The following CACNA1D variants were observed in gnomAD, a reference collection of about 807,000 sequenced individuals.
The protein encoded by CACNA1D is voltage-dependent L-type calcium channel subunit alpha-1D.
In CACNA1D, 55 loss-of-function variants were observed where a neutral mutation model predicts 257.1. The ratio of observed to expected loss-of-function variants is 0.21; its 90% confidence interval spans 0.17 to 0.27. CACNA1D has a LOEUF of 0.27. Among genes scored for constraint, CACNA1D ranks in the 10% least tolerant of loss-of-function variants. The pLI, the probability that CACNA1D is intolerant of heterozygous loss-of-function variation, is 1.00. For synonymous variants in CACNA1D, 980 were observed against 1,014.9 expected (o/e 0.97, Z 0.65); for missense variants, 1,876 against 2,784.0 (o/e 0.67, Z 7.34).
intron 33 of CACNA1D, chr3:53,773,706 G>A (rs889421884): frequency 6.6e-6 from 1 of 151,598 alleles, no homozygotes; most frequent in Non-Finnish European, 1.5e-5. Flanking sequence ...AAGCATAGAA[G>A]CATTTGCAGA....
intron 19 of CACNA1D, among the ~76,000 whole-genome samples, chr3:53,733,544 A>G (rs1331413294): frequency 6.6e-6 from 1 of 152,214 alleles, no homozygotes; most frequent in African/African-American, 2.4e-5. Context: ...TCTACTTAAA[A>G]TAGCATTTCT....
rs116618558 is a variant in CACNA1D, at chr3:53,807,100, A to G, written c.5750-1549A>G. Among the ~76,000 whole-genome samples, 1,209 of 152,328 alleles carry G rather than the reference A, an allele frequency of 7.9e-3. 15 individuals are homozygous for G. Among genetic ancestry groups the G allele is most frequent in the African/African-American group, 0.027 (1,119 of 41,560 alleles). On this transcript the variant is annotated intron_variant, in intron 45 of 47. Coordinates refer to ENST00000350061, the MANE Select transcript of CACNA1D (RefSeq NM_001128840.3). ...CTCCTCCACCTGTGTTCTCAGCTGCAGGGGGATTCCCTCCTCCTCCAGAGA... is the reference window on the plus strand; with the variant it reads ...CTCCTCCACCTGTGTTCTCAGCTGCGGGGGGATTCCCTCCTCCTCCAGAGA...
chr3:53,680,673 C>T (rs1466418652), intron 8 of CACNA1D, among the ~76,000 whole-genome samples: 2 of 152,144 alleles, frequency 1.3e-5, no homozygotes, highest in Non-Finnish European at 2.9e-5. Context: ...AAATTAAAGC[C>T]ATAATTTTCC....
At position 53,813,367 on chromosome 3, in the gene CACNA1D, T is replaced by G. The variant is rs970770575; in HGVS notation, c.*1961T>G. The stretch of plus-strand genomic sequence containing the variant: ...CTTGCACAGAGCTGTCATTTGCCAG[T>G]GAGAGCCTCCGACAGGGCAGGTACT... On this transcript the variant is annotated 3_prime_UTR_variant, in exon 48 of 48. Coordinates refer to ENST00000350061, the MANE Select transcript of CACNA1D (RefSeq NM_001128840.3). 5 of 152,246 alleles carry G rather than the reference T, an allele frequency of 3.3e-5. No individual in the cohort carries two copies. Among genetic ancestry groups the G allele is most frequent in the African/African-American group, 1.2e-4 (5 of 41,464 alleles). 9.4% of individuals were successfully genotyped at this position (152,246 alleles called of 1,614,324 possible). A position where few individuals can be genotyped will look rare whatever the true frequency, so the allele number is the denominator to read the frequency against.
rs1388855070 is a variant in CACNA1D, at chr3:53,774,483, C to T, written c.4111-104C>T. 3 of 757,478 alleles carry T rather than the reference C, an allele frequency of 4.0e-6. No individual in the cohort carries two copies. The highest frequency in any genetic ancestry group is 2.5e-5 in the East Asian group (1 of 40,434). 46.9% of individuals were successfully genotyped at this position (757,478 alleles called of 1,614,324 possible). A position where few individuals can be genotyped will look rare whatever the true frequency, so the allele number is the denominator to read the frequency against. The stretch of plus-strand genomic sequence containing the variant: ...TGAAGTGCCAGGTACCATGAGAAAA[C>T]CCTAGCTGGTAAAGATCAAACCTGA... On this transcript the variant is annotated intron_variant, in intron 33 of 47. Transcript: ENST00000350061. The surrounding 1 kb of genome is among the most constrained non-coding windows in gnomAD (Gnocchi z 4.3).
At chr3:53,545,522 A>AG (rs1320929728) in intron 3 of CACNA1D, among the ~76,000 whole-genome samples, 2 of 152,202 alleles carry the variant, frequency 1.3e-5, no homozygotes, top group Non-Finnish European at 2.9e-5. Flanking sequence ...GGTGATTCCC[A>AG]GGGGAGCTTC....
At chr3:53,660,546 C>T (rs2094193307) in intron 5 of CACNA1D, among the ~76,000 whole-genome samples, 1 of 152,144 alleles carries the variant, frequency 6.6e-6, no homozygotes, top group Non-Finnish European at 1.5e-5. Context: ...GGGGTGAGAC[C>T]TTGGGTTCAG....
chr3:53,575,545 T>C (rs2093022647), intron 3 of CACNA1D, among the ~76,000 whole-genome samples: 1 of 152,174 alleles, frequency 6.6e-6, no homozygotes, highest in African/African-American at 2.4e-5. Flanking sequence ...GCAAGAGATT[T>C]CTGAATTCCC....
chr3:53,700,979 G>A (rs2094619939), intron 8 of CACNA1D, among the ~76,000 whole-genome samples: 1 of 151,000 alleles, frequency 6.6e-6, no homozygotes, highest in African/African-American at 2.4e-5. Flanking sequence ...GTCTGAGTGG[G>A]ATTCTTTCTA....
At chr3:53,747,190 C>G in intron 25 of CACNA1D, 112 bp from the exon 26 acceptor site, 16 of 767,762 alleles carry the variant, frequency 2.1e-5, no homozygotes, top group East Asian at 5.3e-5. Context: ...GACAGGCGGG[C>G]GGACTGAGTG....
chr3:53,497,642 T>C lies in CACNA1D; in HGVS notation c.377+181T>C, dbSNP rs2107076652. On this transcript the variant is annotated intron_variant, in intron 2 of 47. Transcript: ENST00000350061. ...TCTTCGGGTTGCAGAGGGGTGGCTG[T>C]ACGGGTATATTTAGCCCACTGTCTG... is the stretch of plus-strand genomic sequence containing the variant. 2.0e-5 allele frequency among the ~76,000 whole-genome samples: 3 copies of C among 152,280 alleles called. 1 individual carries two copies. The Middle Eastern group carries it at 0.01, about 518-fold the overall frequency.
chr3:53,732,122 G>A (rs1242774328), intron 18 of CACNA1D, 40 bp downstream of exon 18: 1 of 1,497,908 alleles, frequency 6.7e-7, no homozygotes, highest in Non-Finnish European at 9.3e-7. Context: ...TTTGCTGTGT[G>A]TCTTTGCTAC....
chr3:53,543,160 G>C, intron 3 of CACNA1D, among the ~76,000 whole-genome samples: 1 of 144,178 alleles, frequency 6.9e-6, no homozygotes, highest in African/African-American at 2.7e-5. Flanking sequence ...AAATGAAGAA[G>C]TCAATCGGTA....
intron 3 of CACNA1D, among the ~76,000 whole-genome samples, chr3:53,507,959 C>T (rs992521238): frequency 3.6e-5 from 5 of 139,958 alleles, no homozygotes; most frequent in Admixed American, 2.3e-4. Flanking sequence ...GTAGAAATGG[C>T]ATCAGACACA....
chr3:53,786,747 C>T (rs1269295288), intron 39 of CACNA1D, 75 bp from the exon 40 acceptor site: 13 of 1,310,830 alleles, frequency 9.9e-6, no homozygotes, highest in Non-Finnish European at 1.4e-5. Flanking sequence ...GCCCCTGCCC[C>T]AGCCAGAAGC....
At chr3:53,663,895 A>G (rs1353879430) in intron 5 of CACNA1D, among the ~76,000 whole-genome samples, 1 of 151,768 alleles carries the variant, frequency 6.6e-6, no homozygotes, top group Non-Finnish European at 1.5e-5. Context: ...TCTCCCGAGT[A>G]GCTGGGACTA....
chr3:53,777,189 G>C (rs1447337680), intron 37 of CACNA1D, among the ~76,000 whole-genome samples: 1 of 152,168 alleles, frequency 6.6e-6, no homozygotes, highest in Non-Finnish European at 1.5e-5. Flanking sequence ...GTGGATGGTA[G>C]AGAAGGCGAC....
chr3:53,628,737 G>A (rs1043898959), intron 3 of CACNA1D, among the ~76,000 whole-genome samples: 2 of 152,176 alleles, frequency 1.3e-5, no homozygotes, highest in Non-Finnish European at 2.9e-5. Context: ...AAGCCTCAGC[G>A]GTCACTGCCA....
chr3:53,674,923 C>T (rs994718899), intron 8 of CACNA1D, among the ~76,000 whole-genome samples: 4 of 152,138 alleles, frequency 2.6e-5, no homozygotes, highest in Admixed American at 1.3e-4. Context: ...TTGCTCTTTC[C>T]GAGGCTGTAT....
Sources: gnomAD v4.1 joint callset for allele counts (sites outside exome capture counted in the v4.1 genomes callset) on GRCh38, gnomAD v4.1.1 for gene constraint, Gnocchi (gnomAD v3.1) non-coding constraint, MANE v1.5 for transcripts, NCBI Gene and HGNC (gene_info 2026-07-23, HGNC 2026-07-21) for gene names.